ABLIM1: variants seen among roughly 807,000 people sequenced by gnomAD.
ABLIM1 encodes the protein actin binding LIM protein 1.
A neutral mutation model predicts 107.0 loss-of-function variants in ABLIM1; 40 were observed. That is an observed-to-expected ratio of 0.37 (90% CI 0.29 to 0.49). ABLIM1 has a LOEUF of 0.49. Among genes scored for constraint, ABLIM1 ranks in the 20% least tolerant of loss-of-function variants. ABLIM1 has a pLI of 0.97. For missense variants in ABLIM1, 857 were observed against 1,008.5 expected (o/e 0.85, Z 2.04); for synonymous variants, 357 against 357.3 (o/e 1.00, Z 0.01).
intron 12 of ABLIM1, among the ~76,000 whole-genome samples, chr10:114,461,229 ATTTT>A (rs1184776366): frequency 1.3e-5 from 2 of 150,322 alleles, no homozygotes; most frequent in African/African-American, 4.9e-5. Flanking sequence ...TGCCCGGCTA[ATTTT>A]TTTTTGTATT....
At chr10:114,568,637 C>T (rs2071168356) in intron 4 of ABLIM1, among the ~76,000 whole-genome samples, 1 of 152,146 alleles carries the variant, frequency 6.6e-6, no homozygotes, top group Non-Finnish European at 1.5e-5. Context: ...TAGACACCCA[C>T]ACACACCCCA....
At chr10:114,461,063 T>C (rs1190352684) in intron 12 of ABLIM1, among the ~76,000 whole-genome samples, 1 of 151,756 alleles carries the variant, frequency 6.6e-6, no homozygotes, top group Non-Finnish European at 1.5e-5. Flanking sequence ...CTTTGTTTTC[T>C]TTCTTTTGTT....
intron 6 of ABLIM1, among the ~76,000 whole-genome samples, chr10:114,532,733 A>G (rs148223698): frequency 6.6e-6 from 1 of 152,352 alleles, no homozygotes; most frequent in Non-Finnish European, 1.5e-5. Context: ...TGGAATCACA[A>G]GGACAAAATC....
chr10:114,567,099 G>C (rs1016919378), intron 4 of ABLIM1, among the ~76,000 whole-genome samples: 3 of 152,200 alleles, frequency 2.0e-5, no homozygotes, highest in African/African-American at 7.2e-5. Context: ...TGGTATAACA[G>C]GGAGGCTGCT....
rs529621124 is a variant in ABLIM1, at chr10:114,474,029, C to G, written c.1042-73G>C. ...ATCTAGACTGTCCTGGGCCCTTAAG[C>G]TTTACTAAAAACTCAGCTAGTGAAA... On this transcript the variant is annotated intron_variant, in intron 8 of 22. Transcript: ENST00000533213. 5.9e-6 allele frequency: 7 copies of G among 1,181,934 alleles called. No individual in the cohort carries two copies. The African/African-American group carries it at 9.2e-5, about 16-fold the overall frequency. 73.2% of individuals were successfully genotyped at this position (1,181,934 alleles called of 1,614,324 possible).
chr10:114,782,562 T>G, the ABLIM1 span, among the ~76,000 whole-genome samples: 3 of 152,170 alleles, frequency 2.0e-5, no homozygotes, highest in Non-Finnish European at 4.4e-5. Context: ...GTTGGAGAGA[T>G]AAGCAGAGAC....
At chr10:114,788,469 T>A in the ABLIM1 span, among the ~76,000 whole-genome samples, 2 of 147,268 alleles carry the variant, frequency 1.4e-5, no homozygotes, top group Non-Finnish European at 3.0e-5. Flanking sequence ...GGCTCACGCC[T>A]GTAATCCCAG....
intron 1 of ABLIM1, among the ~76,000 whole-genome samples, chr10:114,657,095 T>C (rs1412394613): frequency 6.6e-6 from 1 of 152,258 alleles, no homozygotes; most frequent in African/African-American, 2.4e-5. Flanking sequence ...TGTTGAAAGC[T>C]GATTGCAACA....
At chr10:114,787,560 A>G in the ABLIM1 span, among the ~76,000 whole-genome samples, 19 of 107,510 alleles carry the variant, frequency 1.8e-4, no homozygotes, top group Non-Finnish European at 3.3e-4. Context: ...CCGGCCAGCC[A>G]CCCCGTCCGG....
intron 1 of ABLIM1, among the ~76,000 whole-genome samples, chr10:114,732,180 CTTTTTTTT>C (rs113276247): frequency 2.7e-5 from 3 of 109,876 alleles, no homozygotes; most frequent in Non-Finnish European, 3.8e-5. Flanking sequence ...CTTTTCTTTT[CTTTTTTTT>C]TTTTTTTTTT....
chr10:114,541,747 A>G (rs961116347), intron 6 of ABLIM1, among the ~76,000 whole-genome samples: 3 of 152,254 alleles, frequency 2.0e-5, no homozygotes, highest in African/African-American at 7.2e-5. Context: ...ATTTGAGAAG[A>G]GGTCTCTGCA....
At position 114,510,954 on chromosome 10, in the gene ABLIM1, G is replaced by A. The variant is rs189380447; in HGVS notation, c.895-19076C>T. Among the ~76,000 whole-genome samples the A allele has an allele frequency of 5.0e-3, 765 of 151,974 alleles. 17 individuals are homozygous for A. Among genetic ancestry groups the A allele is most frequent in the African/African-American group, 0.018 (743 of 41,332 alleles). On this transcript the variant is annotated intron_variant, in intron 6 of 22. Coordinates refer to ENST00000533213, the MANE Select transcript of ABLIM1 (RefSeq NM_002313.7). ...GCCTGAGCCATTGTGCCCTGCCACA[G>A]GGTCTTTTCAGTCTTAGCTGAGTGT...
At chr10:114,541,146 G>A (rs899702641) in intron 6 of ABLIM1, among the ~76,000 whole-genome samples, 52 of 152,096 alleles carry the variant, frequency 3.4e-4, no homozygotes, top group African/African-American at 1.1e-3. Context: ...CAGAGCCATC[G>A]GAAACTGGGA....
chr10:114,719,766 C>T (rs1372681040), intron 1 of ABLIM1, among the ~76,000 whole-genome samples: 1 of 152,108 alleles, frequency 6.6e-6, no homozygotes, highest in East Asian at 1.9e-4. Context: ...TGAAAAATCC[C>T]GTCTTCCCAG....
At chr10:114,530,959 C>T (rs541261054) in intron 6 of ABLIM1, among the ~76,000 whole-genome samples, 3 of 152,168 alleles carry the variant, frequency 2.0e-5, no homozygotes, top group African/African-American at 7.2e-5. Flanking sequence ...ATCCACACAC[C>T]TTTATTGAGC....
intron 2 of ABLIM1, among the ~76,000 whole-genome samples, chr10:114,577,616 T>C (rs1179155110): frequency 6.6e-6 from 1 of 152,254 alleles, no homozygotes; most frequent in East Asian, 1.9e-4. Flanking sequence ...GAAATTGACA[T>C]ATAGTATCCT....
intron 4 of ABLIM1, among the ~76,000 whole-genome samples, chr10:114,554,328 G>T (rs1053676533): frequency 6.6e-6 from 1 of 152,196 alleles, no homozygotes; most frequent in African/African-American, 2.4e-5. Context: ...GCTCTGAAAT[G>T]GATGGGGGAA....
At chr10:114,747,784 A>G (rs1246454629) in intron 1 of ABLIM1, among the ~76,000 whole-genome samples, 1 of 152,236 alleles carries the variant, frequency 6.6e-6, no homozygotes, top group East Asian at 1.9e-4. Context: ...TCACGCCTGT[A>G]ATCCCAGCAC....
intron 6 of ABLIM1, 25 bp downstream of exon 6, chr10:114,544,980 A>G (rs779919644): frequency 3.3e-5 from 53 of 1,608,392 alleles, no homozygotes; most frequent in Non-Finnish European, 4.3e-5. Context: ...GGCGGTAGCT[A>G]TGAGGGAGCC....
Sources: gnomAD v4.1 joint callset for allele counts (sites outside exome capture counted in the v4.1 genomes callset) on GRCh38, gnomAD v4.1.1 for gene constraint, MANE v1.5 for transcripts, NCBI Gene and HGNC (gene_info 2026-07-23, HGNC 2026-07-21) for gene names.